The following KCNIP4 variants were observed in gnomAD, a reference collection of about 807,000 sequenced individuals.
KCNIP4 encodes Kv channel-interacting protein 4.
KCNIP4 carries 12 observed loss-of-function variants against 34.0 expected under a neutral mutation model. That is an observed-to-expected ratio of 0.35 (90% confidence interval 0.23 to 0.57). KCNIP4 has a LOEUF of 0.57. KCNIP4 is among the 20% of genes least tolerant of loss of function. KCNIP4 has a pLI of 0.83. For missense variants in KCNIP4, 238 were observed against 311.7 expected (o/e 0.76, Z 1.78); for synonymous variants, 124 against 102.2 (o/e 1.21, Z -1.29).
rs548893119 is a variant in KCNIP4, at chr4:21,697,554, T to C, written c.61+251017A>G. The C allele has an allele frequency of 2.8e-6, 4 of 1,425,700 alleles. No homozygotes were observed. In the South Asian group the frequency reaches 6.5e-5, roughly 23 times the overall value. 88.3% of individuals were successfully genotyped at this position (1,425,700 alleles called of 1,614,324 possible). A position where few individuals can be genotyped will look rare whatever the true frequency, so the allele number is the denominator to read the frequency against. Reference sequence around the variant, plus strand: ...CTTCTGTCTCAGTTTATGCACAGGCTGCCTTACAACTCCTGTGGAATTAGC... The same window carrying C: ...CTTCTGTCTCAGTTTATGCACAGGCCGCCTTACAACTCCTGTGGAATTAGC... On this transcript the variant is annotated intron_variant, in intron 1 of 8. Coordinates refer to ENST00000382152, the MANE Select transcript of KCNIP4 (RefSeq NM_025221.6).
intron 1 of KCNIP4, among the ~76,000 whole-genome samples, chr4:21,508,034 C>T (rs888280796): frequency 5.3e-5 from 8 of 152,116 alleles, no homozygotes; most frequent in Admixed American, 2.0e-4. Context: ...GTTTATTTAG[C>T]CAAATTTCTT....
chr4:20,967,193 G>A (rs1734439336), intron 1 of KCNIP4, among the ~76,000 whole-genome samples: 2 of 152,024 alleles, frequency 1.3e-5, no homozygotes, highest in Admixed American at 1.3e-4. Context: ...ATGATTATTG[G>A]TCTTAAACTT....
At chr4:21,187,877 G>A (rs945463362) in intron 1 of KCNIP4, among the ~76,000 whole-genome samples, 4 of 152,230 alleles carry the variant, frequency 2.6e-5, no homozygotes, top group Non-Finnish European at 4.4e-5. Context: ...GTAGCCCAAC[G>A]GCCCCAGGGC....
intron 1 of KCNIP4, among the ~76,000 whole-genome samples, chr4:21,606,626 C>T (rs1743702651): frequency 6.6e-6 from 1 of 152,092 alleles, no homozygotes; most frequent in South Asian, 2.1e-4. Context: ...CAGAGTCTTG[C>T]TCTGTTACCC....
intron 1 of KCNIP4, among the ~76,000 whole-genome samples, chr4:21,379,617 G>A (rs575181057): frequency 2.6e-5 from 4 of 152,146 alleles, no homozygotes; most frequent in Non-Finnish European, 4.4e-5. Context: ...AGTCACAGCA[G>A]TGACATATAA....
intron 1 of KCNIP4, among the ~76,000 whole-genome samples, chr4:21,398,495 C>G (rs1723200508): frequency 6.6e-6 from 1 of 152,104 alleles, no homozygotes; most frequent in African/African-American, 2.4e-5. Context: ...TTTGCTCTCC[C>G]ATAAATTAAT....
intron 3 of KCNIP4, among the ~76,000 whole-genome samples, chr4:20,798,819 T>G (rs1560472749): frequency 6.6e-6 from 1 of 152,116 alleles, no homozygotes. Flanking sequence ...TATCAGAGAC[T>G]CCTACAGTCC....
At chr4:21,418,381 T>C (rs976215708) in intron 1 of KCNIP4, among the ~76,000 whole-genome samples, 1 of 152,236 alleles carries the variant, frequency 6.6e-6, no homozygotes, top group East Asian at 1.9e-4. Flanking sequence ...CCTATAGTCC[T>C]AGCTACTTGG....
intron 1 of KCNIP4, among the ~76,000 whole-genome samples, chr4:21,072,835 A>G (rs1164349910): frequency 6.6e-6 from 1 of 152,134 alleles, no homozygotes; most frequent in African/African-American, 2.4e-5. Flanking sequence ...AGGTGTAAGG[A>G]AGGGATCCAG....
chr4:20,873,853 T>A (rs1056941773), intron 2 of KCNIP4, among the ~76,000 whole-genome samples: 7 of 152,222 alleles, frequency 4.6e-5, no homozygotes, highest in African/African-American at 1.7e-4. Flanking sequence ...TTCTCTTTCA[T>A]ACTTCTTGCC....
chr4:21,030,385 A>G (rs1339347790), intron 1 of KCNIP4, among the ~76,000 whole-genome samples: 3 of 152,162 alleles, frequency 2.0e-5, no homozygotes, highest in African/African-American at 7.2e-5. Flanking sequence ...CTCATTCTAT[A>G]TTATGTGAGT....
chr4:21,483,738 C>T (rs184650352), intron 1 of KCNIP4, among the ~76,000 whole-genome samples: 445 of 151,658 alleles, frequency 2.9e-3, no homozygotes, highest in African/African-American at 0.01. Flanking sequence ...TGCAGTGAGC[C>T]GAGATCATGC....
At chr4:21,639,205 T>C (rs1038085525) in intron 1 of KCNIP4, among the ~76,000 whole-genome samples, 14 of 152,214 alleles carry the variant, frequency 9.2e-5, no homozygotes, top group African/African-American at 3.4e-4. Flanking sequence ...TCTATTTTCT[T>C]ATGCTGCCAA....
At chr4:21,931,515 G>A (rs146185430) in intron 1 of KCNIP4, among the ~76,000 whole-genome samples, 116 of 148,890 alleles carry the variant, frequency 7.8e-4, no homozygotes, top group African/African-American at 2.8e-3. Context: ...GAGAACAGGC[G>A]GTGTTTGGTT....
At chr4:20,885,939 T>G (rs1725256745) in intron 1 of KCNIP4, among the ~76,000 whole-genome samples, 1 of 152,202 alleles carries the variant, frequency 6.6e-6, no homozygotes, top group Admixed American at 6.5e-5. Flanking sequence ...TCAATAACTT[T>G]TTGAGGAAAA....
chr4:21,772,294 GT>G (rs1467841035), intron 1 of KCNIP4, among the ~76,000 whole-genome samples: 14 of 152,266 alleles, frequency 9.2e-5, no homozygotes, highest in African/African-American at 3.1e-4. Flanking sequence ...TGGTGGATAA[GT>G]TTTTTGACGT....
At chr4:21,465,726 A>T (rs1729866412) in intron 1 of KCNIP4, among the ~76,000 whole-genome samples, 1 of 151,922 alleles carries the variant, frequency 6.6e-6, no homozygotes, top group Non-Finnish European at 1.5e-5. Context: ...GTGAGGGTTA[A>T]ATATTTAAGA....
intron 3 of KCNIP4, among the ~76,000 whole-genome samples, chr4:20,764,833 TCA>T (rs566753548): frequency 3.0e-4 from 46 of 152,222 alleles, no homozygotes; most frequent in African/African-American, 1.0e-3. Context: ...TGCCTGTTTT[TCA>T]CACAGACAGG....
intron 1 of KCNIP4, among the ~76,000 whole-genome samples, chr4:21,720,013 A>AAGG (rs774601045): frequency 0.24 from 30,798 of 130,174 alleles, 4,885 homozygotes; most frequent in East Asian, 0.63. Flanking sequence ...AAAGAAGAAG[A>AAGG]AGAAGGAGAA....
Sources: allele counts gnomAD v4.1 joint callset (sites outside exome capture counted in the v4.1 genomes callset), GRCh38; gene constraint gnomAD v4.1.1; transcripts MANE v1.5; gene names NCBI Gene and HGNC (gene_info 2026-07-23, HGNC 2026-07-21).